BMERB1: variants seen among roughly 807,000 people sequenced by gnomAD.
BMERB1 encodes the protein bMERB domain containing 1.
Under a neutral mutation model 23.6 loss-of-function variants are expected in BMERB1, and 12 were observed. The observed-to-expected ratio is 0.51, with a 90% CI of 0.33 to 0.82. The LOEUF (loss-of-function observed/expected upper bound fraction) is 0.82, where lower values mean the gene tolerates loss of function less well. BMERB1 is among the 40% of genes least tolerant of loss of function. The pLI is 0.03. For synonymous variants in BMERB1, 122 were observed against 96.6 expected, an observed-to-expected ratio of 1.26 and a Z score of -1.54; for missense variants, 247 against 255.4, an observed-to-expected ratio of 0.97 and a Z score of 0.22.
At position 15,514,458 on chromosome 16, in the gene BMERB1, CT is replaced by C. The variant is rs1025832098; in HGVS notation, c.107-843del. Among the ~76,000 whole-genome samples the C allele has an allele frequency of 4.6e-5, 7 of 152,134 alleles. 1 individual carries two copies. The highest frequency in any genetic ancestry group is 3.9e-4 in the Admixed American group (6 of 15,268). ...AGGAGCTGACAAGGCCTTAATCAGG[CT>C]TTTGTGAGCCCACTTGTGAGCCTCC... On this transcript the variant is annotated intron_variant, in intron 1 of 5. Transcript: ENST00000300006.
intron 1 of BMERB1, among the ~76,000 whole-genome samples, chr16:15,509,786 G>A (rs1045167583): frequency 6.6e-6 from 1 of 152,188 alleles, no homozygotes; most frequent in Non-Finnish European, 1.5e-5. Flanking sequence ...ATTCATTCTT[G>A]TGGGTTTGTG....
chr16:15,523,090 G>C (rs2051872598), intron 2 of BMERB1, among the ~76,000 whole-genome samples: 1 of 152,136 alleles, frequency 6.6e-6, no homozygotes, highest in Non-Finnish European at 1.5e-5. Flanking sequence ...GGAGTGGGAA[G>C]GTTTCCCCCT....
At chr16:15,528,593 C>T (rs994265801) in intron 2 of BMERB1, among the ~76,000 whole-genome samples, 4 of 151,944 alleles carry the variant, frequency 2.6e-5, no homozygotes, top group Non-Finnish European at 5.9e-5. Flanking sequence ...CTCCCTTGGG[C>T]CTCCTTTTAG....
intron 1 of BMERB1, among the ~76,000 whole-genome samples, chr16:15,471,203 A>G (rs1241020648): frequency 2.6e-5 from 4 of 152,174 alleles, no homozygotes; most frequent in Non-Finnish European, 4.4e-5. Flanking sequence ...TAAAGATTTG[A>G]TAGAATTCTT....
At chr16:15,530,748 T>G (rs1020932619) in intron 2 of BMERB1, among the ~76,000 whole-genome samples, 4 of 152,082 alleles carry the variant, frequency 2.6e-5, no homozygotes, top group Non-Finnish European at 5.9e-5. Flanking sequence ...TCTCATGAGA[T>G]CTGATGGTTT....
chr16:15,485,562 G>A (rs1214579726), intron 1 of BMERB1, among the ~76,000 whole-genome samples: 4 of 152,112 alleles, frequency 2.6e-5, no homozygotes, highest in Non-Finnish European at 5.9e-5. Flanking sequence ...AGGAAATTAT[G>A]CAGCCACATT....
intron 2 of BMERB1, among the ~76,000 whole-genome samples, chr16:15,544,295 C>T (rs2150963924): frequency 6.6e-6 from 1 of 152,266 alleles, no homozygotes. Context: ...AGTGTTCATT[C>T]CACATTTGTA....
chr16:15,487,252 A>C (rs535357958), intron 1 of BMERB1, among the ~76,000 whole-genome samples: 1 of 152,342 alleles, frequency 6.6e-6, no homozygotes, highest in East Asian at 1.9e-4. Flanking sequence ...ATATAAAATA[A>C]TAGCAATTCT....
chr16:15,439,831 C>T (rs1435055906), intron 1 of BMERB1, among the ~76,000 whole-genome samples: 1 of 152,126 alleles, frequency 6.6e-6, no homozygotes, highest in Admixed American at 6.6e-5. Context: ...TTCAGAAACA[C>T]AGTTGTCTCT....
chr16:15,479,929 C>T (rs1037089014), intron 1 of BMERB1, among the ~76,000 whole-genome samples: 3 of 150,458 alleles, frequency 2.0e-5, no homozygotes, highest in African/African-American at 7.3e-5. Context: ...CGAGCTTGAG[C>T]AACAGAATGA....
chr16:15,452,725 A>G (rs1257836876), intron 1 of BMERB1, among the ~76,000 whole-genome samples: 2 of 152,164 alleles, frequency 1.3e-5, no homozygotes, highest in Admixed American at 6.6e-5. Context: ...TCTCAGGACA[A>G]TGGTGGTTGG....
At chr16:15,569,514 A>G (rs879782740) in intron 3 of BMERB1, among the ~76,000 whole-genome samples, 11 of 152,192 alleles carry the variant, frequency 7.2e-5, no homozygotes, top group Non-Finnish European at 1.3e-4. Context: ...AACCTCCATC[A>G]TGATCCAATC....
At chr16:15,562,478 C>T (rs1293779344) in intron 2 of BMERB1, among the ~76,000 whole-genome samples, 1 of 152,022 alleles carries the variant, frequency 6.6e-6, no homozygotes, top group Non-Finnish European at 1.5e-5. Flanking sequence ...TCTTACCTCT[C>T]AAAAATTATC....
At chr16:15,559,298 C>T (rs2030353379) in intron 2 of BMERB1, among the ~76,000 whole-genome samples, 1 of 152,188 alleles carries the variant, frequency 6.6e-6, no homozygotes, top group Admixed American at 6.6e-5. Context: ...GACTGGCTTC[C>T]ATCAAGGCAG....
At chr16:15,494,109 T>C (rs964219236) in intron 1 of BMERB1, among the ~76,000 whole-genome samples, 1 of 152,186 alleles carries the variant, frequency 6.6e-6, no homozygotes, top group Non-Finnish European at 1.5e-5. Context: ...CATTCTGAGA[T>C]TGCAGGGATG....
chr16:15,561,079 T>C (rs1026050544), intron 2 of BMERB1, among the ~76,000 whole-genome samples: 6 of 142,278 alleles, frequency 4.2e-5, no homozygotes, highest in Non-Finnish European at 9.1e-5. Context: ...CTCAGCTTCC[T>C]GAGTAGCTGG....
At chr16:15,556,629 A>G (rs1050610362) in intron 2 of BMERB1, among the ~76,000 whole-genome samples, 1 of 152,112 alleles carries the variant, frequency 6.6e-6, no homozygotes, top group African/African-American at 2.4e-5. Flanking sequence ...CTCTGTTGCC[A>G]GGCTGGAGTG....
intron 1 of BMERB1, among the ~76,000 whole-genome samples, chr16:15,491,363 C>CT (rs2051418171): frequency 6.6e-6 from 1 of 150,996 alleles, no homozygotes; most frequent in Non-Finnish European, 1.5e-5. Context: ...TTCTTTCTTT[C>CT]TTTTTTTCAG....
intron 3 of BMERB1, among the ~76,000 whole-genome samples, chr16:15,568,681 A>G (rs1010682455): frequency 7.9e-5 from 12 of 152,294 alleles, no homozygotes; most frequent in African/African-American, 2.6e-4. Context: ...ATAAAAATCG[A>G]TGAGATGATG....
Sources: gnomAD v4.1 joint callset for allele counts (sites outside exome capture counted in the v4.1 genomes callset) on GRCh38, gnomAD v4.1.1 for gene constraint, MANE v1.5 for transcripts, NCBI Gene and HGNC (gene_info 2026-07-23, HGNC 2026-07-21) for gene names.